Variants in SH2D4B observed in about 807,000 individuals in gnomAD.
The protein encoded by SH2D4B is SH2 domain-containing protein 4B.
In SH2D4B, 45 loss-of-function variants were observed where a neutral mutation model predicts 61.5. The ratio of observed to expected loss-of-function variants is 0.73; its 90% CI spans 0.58 to 0.94. The LOEUF (loss-of-function observed/expected upper bound fraction) is 0.94. Among genes scored for constraint, SH2D4B ranks in the 40% least tolerant of loss-of-function variants. SH2D4B has a pLI of 0.00. For missense variants in SH2D4B, 572 were observed against 574.2 expected (o/e 1.00, Z 0.04); for synonymous variants, 224 against 220.4 (o/e 1.02, Z -0.14).
At chr10:80,551,770 T>A (rs897574582) in intron 1 of SH2D4B, among the ~76,000 whole-genome samples, 13 of 152,200 alleles carry the variant, frequency 8.5e-5, no homozygotes, top group African/African-American at 3.1e-4. Context: ...TTTCCAATGC[T>A]TCTGCAGGTT....
intron 1 of SH2D4B, among the ~76,000 whole-genome samples, chr10:80,552,253 G>C (rs1414761106): frequency 6.6e-6 from 1 of 152,192 alleles, no homozygotes; most frequent in African/African-American, 2.4e-5. Context: ...GACCAGCAGG[G>C]AGCCTGAGTT....
At chr10:80,621,848 A>G (rs1397461888) in intron 6 of SH2D4B, among the ~76,000 whole-genome samples, 2 of 152,204 alleles carry the variant, frequency 1.3e-5, no homozygotes, top group Middle Eastern at 6.8e-3. Flanking sequence ...TCTCTTTGCT[A>G]TATAGCTGGG....
chr10:80,591,281 C>A (rs985750926), intron 4 of SH2D4B, among the ~76,000 whole-genome samples: 1 of 151,944 alleles, frequency 6.6e-6, no homozygotes, highest in African/African-American at 2.4e-5. Context: ...AGTGCAGTTT[C>A]TGGGTCATAT....
intron 3 of SH2D4B, among the ~76,000 whole-genome samples, chr10:80,572,984 A>ATTTTTTTTTTTTTTT (rs1283153702): frequency 1.3e-3 from 11 of 8,298 alleles, no homozygotes; most frequent in South Asian, 5.2e-3. Flanking sequence ...ATATATATAT[A>ATTTTTTTTTTTTTTT]TATTTTTTTT....
intron 4 of SH2D4B, among the ~76,000 whole-genome samples, chr10:80,600,690 G>T (rs914338682): frequency 5.9e-5 from 9 of 152,148 alleles, no homozygotes; most frequent in Non-Finnish European, 1.0e-4. Context: ...GAAGAGAATG[G>T]TAAGATTAGA....
intron 4 of SH2D4B, among the ~76,000 whole-genome samples, chr10:80,589,193 G>A (rs983484056): frequency 2.0e-5 from 3 of 151,848 alleles, no homozygotes; most frequent in African/African-American, 4.8e-5. Context: ...TAGTAGAGAC[G>A]GGGTTTCACC....
intron 4 of SH2D4B, 118 bp from the exon 5 acceptor site, chr10:80,603,461 A>AT: frequency 1.1e-6 from 1 of 950,886 alleles, no homozygotes; most frequent in Non-Finnish European, 1.5e-6. Context: ...AGTCATCGCG[A>AT]TTTTTTGCCA....
At chr10:80,575,029 G>A (rs1346494636) in intron 3 of SH2D4B, among the ~76,000 whole-genome samples, 1 of 149,514 alleles carries the variant, frequency 6.7e-6, no homozygotes, top group Non-Finnish European at 1.5e-5. Context: ...GGAGTATAAT[G>A]TGGAAAACAG....
intron 3 of SH2D4B, among the ~76,000 whole-genome samples, chr10:80,587,518 A>C (rs949784936): frequency 2.0e-5 from 3 of 152,030 alleles, no homozygotes; most frequent in South Asian, 2.1e-4. Flanking sequence ...ACCTCAGGTG[A>C]TCCGCCTGCC....
At chr10:80,580,030 A>G (rs1290632738) in intron 3 of SH2D4B, among the ~76,000 whole-genome samples, 1 of 152,196 alleles carries the variant, frequency 6.6e-6, no homozygotes, top group Admixed American at 6.5e-5. Context: ...TGAACTGGCA[A>G]TGGAGGAATG....
intron 4 of SH2D4B, among the ~76,000 whole-genome samples, chr10:80,596,183 G>A (rs755369853): frequency 3.9e-5 from 6 of 152,240 alleles, no homozygotes; most frequent in African/African-American, 1.2e-4. Context: ...AGGGGCATAC[G>A]CTCAGGAGAG....
At chr10:80,639,997 T>A (rs1840261067) in intron 7 of SH2D4B, among the ~76,000 whole-genome samples, 1 of 152,236 alleles carries the variant, frequency 6.6e-6, no homozygotes, top group Non-Finnish European at 1.5e-5. Flanking sequence ...TGACAAAATC[T>A]CTCAGCATTT....
At chr10:80,605,968 A>C (rs1379713339) in intron 5 of SH2D4B, among the ~76,000 whole-genome samples, 1 of 152,218 alleles carries the variant, frequency 6.6e-6, no homozygotes, top group African/African-American at 2.4e-5. Flanking sequence ...GGCTTTGTGC[A>C]GCCAATAGGG....
chr10:80,587,060 C>T (rs1357528279), intron 3 of SH2D4B, among the ~76,000 whole-genome samples: 2 of 151,396 alleles, frequency 1.3e-5, no homozygotes, highest in African/African-American at 4.9e-5. Context: ...AGAACTGTAA[C>T]ACTCACCTCG....
At chr10:80,594,313 G>T (rs1842363138) in intron 4 of SH2D4B, among the ~76,000 whole-genome samples, 2 of 152,180 alleles carry the variant, frequency 1.3e-5, no homozygotes, top group Non-Finnish European at 2.9e-5. Flanking sequence ...TACTGAGCTA[G>T]TCTCACATTC....
At chr10:80,588,955 C>T (rs1842293582) in intron 4 of SH2D4B, among the ~76,000 whole-genome samples, 178 bp downstream of exon 4, 1 of 152,066 alleles carries the variant, frequency 6.6e-6, no homozygotes, top group South Asian at 2.1e-4. Context: ...AGGCTTCATC[C>T]TTGAAGAGCT....
intron 6 of SH2D4B, among the ~76,000 whole-genome samples, chr10:80,630,227 G>A (rs1040250657): frequency 1.3e-5 from 2 of 152,114 alleles, no homozygotes. Flanking sequence ...TCTTGCTTTG[G>A]GTAGGAATGG....
At chr10:80,626,871 G>A (rs577392137) in intron 6 of SH2D4B, among the ~76,000 whole-genome samples, 3 of 152,282 alleles carry the variant, frequency 2.0e-5, no homozygotes, top group East Asian at 3.9e-4. Flanking sequence ...CTTGGAGTCC[G>A]AGGACCTGAG....
chr10:80,609,411 T>C lies in SH2D4B; in HGVS notation c.861-13T>C, dbSNP rs767013785. On this transcript the variant is annotated splice_polypyrimidine_tract_variant and intron_variant, in intron 5 of 7. Coordinates refer to ENST00000646907, the MANE Select transcript of SH2D4B (RefSeq NM_001388272.1). Reference sequence around the variant, plus strand: ...CCTGACTCTTCTGCCCTCCCCACTTTCTTTCTCTTCAGCAGGACCTGGGAG... The same window carrying C: ...CCTGACTCTTCTGCCCTCCCCACTTCCTTTCTCTTCAGCAGGACCTGGGAG... The C allele has an allele frequency of 2.5e-6, 4 of 1,611,798 alleles. No homozygotes were observed. In the Admixed American group the frequency reaches 6.7e-5, roughly 27 times the overall value.
Sources: gnomAD v4.1 joint callset for allele counts (sites outside exome capture counted in the v4.1 genomes callset) on GRCh38, gnomAD v4.1.1 for gene constraint, MANE v1.5 for transcripts, NCBI Gene and HGNC (gene_info 2026-07-23, HGNC 2026-07-21) for gene names.